PAQR5: variants seen among roughly 807,000 people sequenced by gnomAD.
The protein encoded by PAQR5 is progestin and adipoQ receptor family member 5, also known as membrane progestin receptor gamma.
A neutral mutation model predicts 34.5 loss-of-function variants in PAQR5; 20 were observed. That is an observed-to-expected ratio of 0.58 (90% CI 0.41 to 0.84). The LOEUF is 0.84. Among genes scored for constraint, PAQR5 ranks in the 40% least tolerant of loss-of-function variants. PAQR5 has a pLI of 0.00. For missense variants in PAQR5, 378 were observed against 412.7 expected, an observed-to-expected ratio of 0.92 and a Z score of 0.73; for synonymous variants, 131 against 155.6, an observed-to-expected ratio of 0.84 and a Z score of 1.18.
intron 2 of PAQR5, among the ~76,000 whole-genome samples, chr15:69,347,699 A>T (rs11072085): frequency 1 from 151,699 of 152,252 alleles, 75,574 homozygotes; most frequent in Middle Eastern, 1. Flanking sequence ...CTCACAGTTC[A>T]GGAGGCTGGA....
In PAQR5 at chr15:69,385,926, T is replaced by G. The variant is rs377287361; in HGVS notation, c.385+1044T>G. On this transcript the variant is annotated intron_variant, in intron 5 of 8. Coordinates refer to ENST00000395407, the MANE Select transcript of PAQR5 (RefSeq NM_017705.4). This position sits in a 1 kb window ranked among gnomAD's most constrained non-coding sequence, Gnocchi z 4.7. ...ACACAATACACTCACATACACACAC[T>G]CACACCACATACACACAATACACTC... 0.016 allele frequency among the ~76,000 whole-genome samples: 2,295 copies of G among 145,008 alleles called. 65 individuals carry two copies. Among genetic ancestry groups the G allele is most frequent in the African/African-American group, 0.056 (2,170 of 38,880 alleles).
chr15:69,375,579 C>T (rs1180468136), intron 3 of PAQR5, among the ~76,000 whole-genome samples: 2 of 152,190 alleles, frequency 1.3e-5, no homozygotes, highest in African/African-American at 4.8e-5. Flanking sequence ...CTCGACAGAG[C>T]CCTCCCCAGG....
At chr15:69,301,710 GC>G (rs1182433391) in intron 1 of PAQR5, among the ~76,000 whole-genome samples, 73 of 152,136 alleles carry the variant, frequency 4.8e-4, no homozygotes, top group African/African-American at 1.7e-3. Flanking sequence ...ATGTGTATTA[GC>G]CTGGCCTCCC....
At position 69,337,471 on chromosome 15, in the gene PAQR5, C is replaced by A. The variant is rs1040169869; in HGVS notation, c.-146C>A. The A allele has an allele frequency of 1.4e-4, 22 of 152,364 alleles. No homozygotes were observed. The highest frequency in any genetic ancestry group is 5.1e-4 in the African/African-American group (21 of 41,562). 9.4% of individuals were successfully genotyped at this position (152,364 alleles called of 1,614,324 possible). A position where few individuals can be genotyped will look rare whatever the true frequency, so the allele number is the denominator to read the frequency against. Reference sequence around the variant, plus strand: ...AATCTGGCCTCATACCTTGTCCACACAGAGTTCCTGTACAAGGTTCCTGAC... The same window carrying A: ...AATCTGGCCTCATACCTTGTCCACAAAGAGTTCCTGTACAAGGTTCCTGAC... On this transcript the variant is annotated 5_prime_UTR_variant, in exon 2 of 9. Transcript: ENST00000395407.
chr15:69,315,953 A>T (rs1000970827), intron 1 of PAQR5, among the ~76,000 whole-genome samples: 1 of 152,188 alleles, frequency 6.6e-6, no homozygotes, highest in Admixed American at 6.5e-5. Context: ...CTGGAGCCTC[A>T]GAGGTGGTCC....
chr15:69,372,822 C>T (rs796670900), intron 3 of PAQR5, among the ~76,000 whole-genome samples: 9 of 152,270 alleles, frequency 5.9e-5, no homozygotes, highest in African/African-American at 1.9e-4. Flanking sequence ...AAGAGTACTT[C>T]TGGATTTTCG....
At chr15:69,369,334 G>A (rs762435910) in intron 3 of PAQR5, among the ~76,000 whole-genome samples, 3 of 152,060 alleles carry the variant, frequency 2.0e-5, no homozygotes, top group Non-Finnish European at 2.9e-5. Flanking sequence ...TCAGGAGTTC[G>A]AAACCAGCCT....
In PAQR5 at chr15:69,397,473, T is replaced by G; in HGVS notation, c.518T>G (p.Leu173Arg). 6.2e-7 allele frequency: 1 copy of G among 1,612,178 alleles called. No homozygotes were observed. Among genetic ancestry groups the G allele is most frequent in the Non-Finnish European group, 8.5e-7 (1 of 1,178,188 alleles). Residue 173 changes from leucine to arginine, a missense_variant, in exon 7 of 9, where the codon CTT becomes CGT. Physicochemically the swap from Leu to Arg is moderately radical, Grantham distance 102. Coordinates refer to ENST00000395407, the MANE Select transcript of PAQR5 (RefSeq NM_017705.4). ...ACTTTCCTTCCCTGATTTAGGTTTC[T>G]TGAAATCCAGAAGCCCAGACTCTGT... ...STGLSCYSRF[L>R]EIQKPRLCKV...
intron 1 of PAQR5, among the ~76,000 whole-genome samples, chr15:69,306,435 G>A (rs1288316980): frequency 2.4e-5 from 3 of 122,914 alleles, no homozygotes; most frequent in South Asian, 5.1e-4. Flanking sequence ...TTTTTGATAC[G>A]GAGTCTCGAT....
chr15:69,360,077 C>T lies in PAQR5; in HGVS notation c.-4C>T, dbSNP rs997549619. On this transcript the variant is annotated 5_prime_UTR_variant, in exon 3 of 9. Transcript: ENST00000395407. ...CCTACTGGCCTTGCCAATCCAGCTC[C>T]AAGATGCTGAGCCTGAAGCTCCCCA... 1.9e-6 allele frequency: 3 copies of T among 1,613,458 alleles called. No homozygotes were observed. In the African/African-American group the frequency reaches 4.0e-5, roughly 22 times the overall value.
At chr15:69,327,163 T>TCATTATTAC in intron 1 of PAQR5, among the ~76,000 whole-genome samples, 1 of 151,802 alleles carries the variant, frequency 6.6e-6, no homozygotes, top group African/African-American at 2.4e-5. Flanking sequence ...TTCTTTATTA[T>TCATTATTAC]TATTATTATT....
Position 69,396,201 on chromosome 15 carries a change from C to T in PAQR5, c.513-1267C>T, listed in dbSNP as rs968154064. Among the ~76,000 whole-genome samples the T allele has an allele frequency of 2.0e-5, 3 of 148,950 alleles. No homozygotes were observed. The Admixed American group carries it at 2.0e-4, about 10-fold the overall frequency. ...AGCAGCTGGGTTTATGGTCAGGTGGCTTTACTGGCTCATACGAGATATGAA... is the reference window on the plus strand; with the variant it reads ...AGCAGCTGGGTTTATGGTCAGGTGGTTTTACTGGCTCATACGAGATATGAA... On this transcript the variant is annotated intron_variant, in intron 6 of 8. Transcript: ENST00000395407.
intron 5 of PAQR5, among the ~76,000 whole-genome samples, chr15:69,386,206 A>G (rs1194117256): frequency 6.6e-6 from 1 of 150,746 alleles, no homozygotes; most frequent in African/African-American, 2.4e-5. Context: ...CTACACACAC[A>G]TTCACACACT....
chr15:69,386,029 TACAC>T (rs1157163174), intron 5 of PAQR5, among the ~76,000 whole-genome samples: 1 of 144,786 alleles, frequency 6.9e-6, no homozygotes, highest in African/African-American at 2.6e-5. Context: ...ACACATCACA[TACAC>T]ACAATACACT....
intron 2 of PAQR5, among the ~76,000 whole-genome samples, chr15:69,359,624 CA>C (rs777320104): frequency 4.6e-5 from 7 of 152,048 alleles, no homozygotes; most frequent in Non-Finnish European, 8.8e-5. Context: ...CTGATTAGAT[CA>C]GGGGTCAATC....
chr15:69,314,668 T>A (rs1595840048), intron 1 of PAQR5: 3 of 151,846 alleles, frequency 2.0e-5, no homozygotes, highest in African/African-American at 7.3e-5. Context: ...GGCTGGGCAG[T>A]GTGCTGGGGA....
chr15:69,322,531 G>A (rs1334865573), intron 1 of PAQR5, among the ~76,000 whole-genome samples: 1 of 146,010 alleles, frequency 6.8e-6, no homozygotes, highest in Non-Finnish European at 1.5e-5. Context: ...TGTGCGTGTG[G>A]TCCAAGCTAC....
intron 4 of PAQR5, among the ~76,000 whole-genome samples, chr15:69,382,688 A>C: frequency 1.1e-5 from 1 of 89,312 alleles, no homozygotes; most frequent in African/African-American, 3.9e-5. Context: ...ATATATATAT[A>C]TATATATATA....
At chr15:69,320,179 T>A (rs1183764462) in intron 1 of PAQR5, among the ~76,000 whole-genome samples, 1 of 152,214 alleles carries the variant, frequency 6.6e-6, no homozygotes, top group Non-Finnish European at 1.5e-5. Context: ...GCACCCACCC[T>A]GGAGGCCAAC....
Sources: allele counts gnomAD v4.1 joint callset (sites outside exome capture counted in the v4.1 genomes callset), GRCh38; gene constraint gnomAD v4.1.1; non-coding constraint Gnocchi (gnomAD v3.1); transcripts MANE v1.5; gene names NCBI Gene and HGNC (gene_info 2026-07-23, HGNC 2026-07-21).